Variants in ATP8B4 observed in about 807,000 individuals in gnomAD.
ATP8B4 encodes probable phospholipid-transporting ATPase IM.
Under a neutral mutation model 145.6 loss-of-function variants are expected in ATP8B4, and 133 were observed. The ratio of observed to expected loss-of-function variants is 0.91; its 90% CI spans 0.79 to 1.05. The LOEUF (loss-of-function observed/expected upper bound fraction) is 1.05, where lower values mean the gene tolerates loss of function less well. Among genes scored for constraint, ATP8B4 ranks in the 50% least tolerant of loss-of-function variants. The pLI is 0.00. For missense variants in ATP8B4, 1,458 were observed against 1,425.2 expected, an observed-to-expected ratio of 1.02 and a Z score of -0.37; for synonymous variants, 507 against 492.9, an observed-to-expected ratio of 1.03 and a Z score of -0.38.
In ATP8B4 at chr15:50,106,941, C is replaced by T. The variant is rs73402905; in HGVS notation, c.26G>A (p.Arg9His). 823 of 1,597,270 alleles carry T rather than the reference C, an allele frequency of 5.2e-4. 2 individuals are homozygous for T. The African/African-American group carries it at 9.6e-3, about 19-fold the overall frequency. The stretch of plus-strand genomic sequence containing the variant: ...CATTGGAAGAACTCAAAACTTACCA[C>T]GCAATTTCTTTTCACTGCAGAACAT... MFCSEKKL[R>H]EVERIVKAND... The change falls in exon 2 of 28, where the codon CGT becomes CAT. Residue 9 changes from arginine to histidine, a missense_variant and splice_region_variant. Coordinates refer to ENST00000284509, the MANE Select transcript of ATP8B4 (RefSeq NM_024837.4).
chr15:49,956,550 C>T (rs1046765869), intron 14 of ATP8B4, among the ~76,000 whole-genome samples: 1 of 152,082 alleles, frequency 6.6e-6, no homozygotes, highest in African/African-American at 2.4e-5. Flanking sequence ...TAGTTCTCAA[C>T]AGATTTTTCT....
chr15:50,136,847 G>T (rs1482042554), intron 1 of ATP8B4, among the ~76,000 whole-genome samples: 5 of 152,170 alleles, frequency 3.3e-5, no homozygotes, highest in African/African-American at 1.2e-4. Context: ...GGGGTTGATA[G>T]TAATGGTACT....
intron 20 of ATP8B4, chr15:49,908,122 A>C (rs1183040773): frequency 8.8e-6 from 4 of 455,952 alleles, no homozygotes; most frequent in Non-Finnish European, 4.4e-6. Flanking sequence ...TAAGAACAAA[A>C]TGAGGTAATA....
At chr15:49,936,821 T>C (rs1016475037) in intron 14 of ATP8B4, among the ~76,000 whole-genome samples, 2 of 152,152 alleles carry the variant, frequency 1.3e-5, no homozygotes, top group Non-Finnish European at 2.9e-5. Context: ...ATTTTGTCTT[T>C]ATTCTCTGAT....
chr15:50,029,515 G>A (rs2050280376), intron 6 of ATP8B4, among the ~76,000 whole-genome samples: 1 of 152,044 alleles, frequency 6.6e-6, no homozygotes, highest in Admixed American at 6.6e-5. Context: ...TGGTGGTTGG[G>A]TTTAGAGTCC....
chr15:50,012,191 C>G (rs2048764068), intron 6 of ATP8B4, among the ~76,000 whole-genome samples: 1 of 152,102 alleles, frequency 6.6e-6, no homozygotes, highest in Non-Finnish European at 1.5e-5. Context: ...TTTATCTTTA[C>G]AGGTATGAAT....
chr15:50,173,048 G>A (rs974121576), intron 1 of ATP8B4, among the ~76,000 whole-genome samples: 6 of 145,220 alleles, frequency 4.1e-5, no homozygotes, highest in Non-Finnish European at 6.0e-5. Context: ...GGCAGCCTCC[G>A]CCCGGCCAGC....
intron 2 of ATP8B4, among the ~76,000 whole-genome samples, chr15:50,088,593 T>C (rs1478198062): frequency 6.6e-6 from 1 of 152,168 alleles, no homozygotes; most frequent in African/African-American, 2.4e-5. Context: ...AATTCAGCCT[T>C]CCATGGTTAT....
At chr15:49,880,196 A>G (rs1252112033) in intron 23 of ATP8B4, 4 of 152,238 alleles carry the variant, frequency 2.6e-5, no homozygotes, top group African/African-American at 9.6e-5. Context: ...TAGAGAGGAA[A>G]GGGGATAGGG....
chr15:49,962,280 T>C (rs2044152486), intron 13 of ATP8B4, among the ~76,000 whole-genome samples: 1 of 152,218 alleles, frequency 6.6e-6, no homozygotes, highest in Non-Finnish European at 1.5e-5. Context: ...ATTATGTTTT[T>C]CTGTAAATGT....
Position 49,897,445 on chromosome 15 carries a change from A to G in ATP8B4, c.2544T>C (p.Phe848=). 3 of 1,609,828 alleles carry G rather than the reference A, an allele frequency of 1.9e-6. No individual in the cohort carries two copies. Among genetic ancestry groups the G allele is most frequent in the Non-Finnish European group, 2.5e-6 (3 of 1,178,284 alleles). The change falls in exon 23 of 28, where the codon TTT becomes TTC. Residue 848 remains phenylalanine, a synonymous_variant. Coordinates refer to ENST00000284509, the MANE Select transcript of ATP8B4 (RefSeq NM_024837.4). Reference sequence around the variant, plus strand: ...GCCTTTGGAGATATCTAAACTGTGCAAATGAATAGTCGCTGGCTAAGACTG... The same window carrying G: ...GCCTTTGGAGATATCTAAACTGTGCGAATGAATAGTCGCTGGCTAAGACTG... ...LQAVLASDYS[F]AQFRYLQRLL...
intron 26 of ATP8B4, among the ~76,000 whole-genome samples, chr15:49,865,868 C>T (rs1247704630): frequency 3.9e-5 from 6 of 152,192 alleles, no homozygotes; most frequent in Non-Finnish European, 8.8e-5. Context: ...CCTCATGCCA[C>T]TTATGGATTA....
chr15:50,080,485 G>C (rs563714177), intron 2 of ATP8B4, among the ~76,000 whole-genome samples: 3 of 152,170 alleles, frequency 2.0e-5, no homozygotes, highest in Admixed American at 2.0e-4. Flanking sequence ...ATCCACTTAT[G>C]CTTGTCTTTC....
chr15:49,946,769 C>T (rs2153483632), intron 14 of ATP8B4, among the ~76,000 whole-genome samples: 1 of 152,232 alleles, frequency 6.6e-6, no homozygotes, highest in Admixed American at 6.5e-5. Context: ...TTACATCTTC[C>T]ATCTGAAGAA....
chr15:50,143,266 G>A (rs910325196), intron 1 of ATP8B4, among the ~76,000 whole-genome samples: 1 of 152,180 alleles, frequency 6.6e-6, no homozygotes, highest in African/African-American at 2.4e-5. Flanking sequence ...CAAGTTGATG[G>A]GCAGTTTTGG....
intron 16 of ATP8B4, among the ~76,000 whole-genome samples, chr15:49,930,637 T>C (rs1215002237): frequency 1.3e-5 from 2 of 152,076 alleles, no homozygotes; most frequent in African/African-American, 4.8e-5. Flanking sequence ...CAGTACTGTA[T>C]AGTGAACAAG....
chr15:50,112,271 C>T (rs972918881), intron 1 of ATP8B4, among the ~76,000 whole-genome samples: 3 of 152,086 alleles, frequency 2.0e-5, no homozygotes, highest in African/African-American at 7.2e-5. Context: ...CCTTGGCAGC[C>T]CCCCTTGCTG....
At chr15:50,126,342 GAC>G (rs2057307339) in intron 1 of ATP8B4, among the ~76,000 whole-genome samples, 1 of 151,628 alleles carries the variant, frequency 6.6e-6, no homozygotes, top group African/African-American at 2.4e-5. Flanking sequence ...GTCATTCTTA[GAC>G]ACAGTTTCAG....
rs1313519420 is a variant in ATP8B4, at chr15:50,119,132, G to C, written c.-52C>G. ...CTACCCATCTACTCACCTCAACCCA[G>C]ACTTAATCCTCTCCCCCAAAAGGAA... On this transcript the variant is annotated 5_prime_UTR_variant, in exon 1 of 28. Coordinates refer to ENST00000284509, the MANE Select transcript of ATP8B4 (RefSeq NM_024837.4). 2 of 152,144 alleles carry C rather than the reference G, an allele frequency of 1.3e-5. No homozygotes were observed. Among genetic ancestry groups the C allele is most frequent in the South Asian group, 2.1e-4 (1 of 4,834 alleles). 9.4% of individuals were successfully genotyped at this position (152,144 alleles called of 1,614,324 possible).
Sources: allele counts gnomAD v4.1 joint callset (sites outside exome capture counted in the v4.1 genomes callset), GRCh38; gene constraint gnomAD v4.1.1; transcripts MANE v1.5; gene names NCBI Gene and HGNC (gene_info 2026-07-23, HGNC 2026-07-21).